HDAC4: variants seen among roughly 807,000 people sequenced by gnomAD.
HDAC4 encodes histone deacetylase 4.
HDAC4 carries 16 observed loss-of-function variants against 135.1 expected under a neutral mutation model. The ratio of observed to expected loss-of-function variants is 0.12; its 90% CI spans 0.08 to 0.18. HDAC4 has a LOEUF of 0.18. Among genes scored for constraint, HDAC4 ranks in the 10% least tolerant of loss-of-function variants. The pLI, the probability that HDAC4 is intolerant of heterozygous loss-of-function variation, is 1.00. For synonymous variants in HDAC4, 685 were observed against 653.4 expected, an observed-to-expected ratio of 1.05 and a Z score of -0.74; for missense variants, 1,143 against 1,511.8, an observed-to-expected ratio of 0.76 and a Z score of 4.05.
At chr2:239,291,554 T>C (rs1484403383) in intron 2 of HDAC4, among the ~76,000 whole-genome samples, 1 of 152,242 alleles carries the variant, frequency 6.6e-6, no homozygotes, top group Non-Finnish European at 1.5e-5. Context: ...TTGGTTTTCA[T>C]GGGTGTCAAT....
intron 2 of HDAC4, among the ~76,000 whole-genome samples, chr2:239,336,491 C>T (rs1016939412): frequency 6.6e-6 from 1 of 152,164 alleles, no homozygotes; most frequent in Non-Finnish European, 1.5e-5. Context: ...TTAAGTTACT[C>T]TACCACATCC....
At chr2:239,163,761 C>G (rs1559539691) in intron 6 of HDAC4, 42 bp downstream of exon 6, 2 of 1,605,440 alleles carry the variant, frequency 1.2e-6, no homozygotes, top group Non-Finnish European at 1.7e-6. Flanking sequence ...TCCTCTGGGC[C>G]CCCAGAGAGG....
At chr2:239,169,179 A>G (rs535116128) in intron 5 of HDAC4, among the ~76,000 whole-genome samples, 61 of 152,328 alleles carry the variant, frequency 4.0e-4, no homozygotes, top group South Asian at 1.7e-3. Flanking sequence ...CACCCAGCTG[A>G]TATTTAAATT....
chr2:239,165,604 T>A (rs2043078436), intron 5 of HDAC4, among the ~76,000 whole-genome samples: 1 of 152,178 alleles, frequency 6.6e-6, no homozygotes, highest in African/African-American at 2.4e-5. Context: ...GCATGAGAGC[T>A]ATAAATAGGT....
rs780657506 is a variant in HDAC4 at position 239,189,912 on chromosome 2, T to C, written c.260A>G (p.Gln87Arg). 6.2e-7 allele frequency: 1 copy of C among 1,611,266 alleles called. No homozygotes were observed. The highest frequency in any genetic ancestry group is 1.1e-5 in the South Asian group (1 of 91,058). ...ALKQKQQIQR[Q>R]ILIAEFQRQH... ...CCTCTGGAACTCAGCGATGAGGATC[T>C]GCCTCTGGATCTGCTGCTTCTGCTT... The change falls in exon 4 of 27, where the codon CAG becomes CGG. Residue 87 changes from glutamine (Q) to arginine (R), a missense_variant. Around this residue, in one of 9 missense-constraint regions of HDAC4, gnomAD observed 247 missense variants for 310.0 expected, o/e 0.80. Coordinates refer to ENST00000543185, the MANE Select transcript of HDAC4 (RefSeq NM_001378414.1).
chr2:239,063,301 C>T (rs954688601), intron 24 of HDAC4, among the ~76,000 whole-genome samples: 7 of 151,964 alleles, frequency 4.6e-5, no homozygotes, highest in Non-Finnish European at 8.8e-5. Flanking sequence ...CCCGGGTTCA[C>T]GCCATTCTCC....
At chr2:239,250,971 G>C (rs927760726) in intron 2 of HDAC4, among the ~76,000 whole-genome samples, 1 of 152,158 alleles carries the variant, frequency 6.6e-6, no homozygotes, top group African/African-American at 2.4e-5. Flanking sequence ...GGTTCACCTC[G>C]AGACCTGCAT....
chr2:239,274,585 A>G (rs1054058896), intron 2 of HDAC4, among the ~76,000 whole-genome samples: 4 of 152,240 alleles, frequency 2.6e-5, no homozygotes, highest in Non-Finnish European at 5.9e-5. Flanking sequence ...TTCACGGTAA[A>G]AACGAGAACC....
chr2:239,315,055 C>T (rs555614031), intron 2 of HDAC4, among the ~76,000 whole-genome samples: 53 of 152,194 alleles, frequency 3.5e-4, no homozygotes, highest in Non-Finnish European at 7.1e-4. Flanking sequence ...AATCCTTGGT[C>T]TCCACAAACC....
chr2:239,094,012 A>C, intron 17 of HDAC4: 1 of 985,450 alleles, frequency 1.0e-6, no homozygotes, highest in Non-Finnish European at 1.2e-6. Context: ...ACTCAGGAAG[A>C]AAACAATTTT....
chr2:239,088,320 C>T (rs574260364), intron 18 of HDAC4, among the ~76,000 whole-genome samples: 87 of 152,346 alleles, frequency 5.7e-4, no homozygotes, highest in South Asian at 4.1e-4. Flanking sequence ...AAAAAAGTGC[C>T]GGCCAACCAT....
chr2:239,392,534 C>G (rs1176590406), intron 1 of HDAC4, among the ~76,000 whole-genome samples: 1 of 152,176 alleles, frequency 6.6e-6, no homozygotes, highest in East Asian at 1.9e-4. Flanking sequence ...CACCCACATC[C>G]TGCAAGCAAG....
intron 3 of HDAC4, among the ~76,000 whole-genome samples, chr2:239,195,154 C>A (rs760353784): frequency 1.5e-4 from 23 of 152,312 alleles, no homozygotes; most frequent in Non-Finnish European, 2.8e-4. Context: ...CACTACGGCA[C>A]CTCCTGCATT....
At chr2:239,332,657 A>T (rs1691663996) in intron 2 of HDAC4, among the ~76,000 whole-genome samples, 1 of 152,072 alleles carries the variant, frequency 6.6e-6, no homozygotes, top group Non-Finnish European at 1.5e-5. Context: ...AGTGATCTAA[A>T]TATTTACCTT....
intron 5 of HDAC4, among the ~76,000 whole-genome samples, chr2:239,171,931 A>C (rs1364299699): frequency 6.6e-6 from 1 of 152,208 alleles, no homozygotes; most frequent in Non-Finnish European, 1.5e-5. Flanking sequence ...CTGAAATCAC[A>C]TTTTGAACAG....
intron 1 of HDAC4, among the ~76,000 whole-genome samples, chr2:239,384,260 G>A (rs1695629340): frequency 6.6e-6 from 1 of 152,100 alleles, no homozygotes; most frequent in Admixed American, 6.5e-5. Flanking sequence ...TCTCCCTAAA[G>A]CCACATTCGA....
intron 2 of HDAC4, among the ~76,000 whole-genome samples, chr2:239,336,139 G>A (rs529279233): frequency 1.8e-4 from 27 of 152,148 alleles, no homozygotes; most frequent in Non-Finnish European, 3.2e-4. Flanking sequence ...TAAGTATTAC[G>A]TGATTTATAT....
At chr2:239,337,205 C>T (rs1691994200) in intron 2 of HDAC4, among the ~76,000 whole-genome samples, 1 of 152,202 alleles carries the variant, frequency 6.6e-6, no homozygotes, top group South Asian at 2.1e-4. Flanking sequence ...ACACAAACGG[C>T]TCCAAGGGAG....
intron 4 of HDAC4, among the ~76,000 whole-genome samples, chr2:239,182,703 C>T (rs954276649): frequency 6.6e-6 from 1 of 152,148 alleles, no homozygotes; most frequent in Admixed American, 6.5e-5. Flanking sequence ...TGGATTTCAA[C>T]ACTCCCTGTT....
Sources: gnomAD v4.1 joint callset for allele counts (sites outside exome capture counted in the v4.1 genomes callset) on GRCh38, gnomAD v4.1.1 for gene constraint, gnomAD v4.1.1 regional missense constraint, MANE v1.5 for transcripts, NCBI Gene and HGNC (gene_info 2026-07-23, HGNC 2026-07-21) for gene names.